Variants in NAXD observed in about 807,000 individuals in gnomAD.
NAXD encodes the protein ATP-dependent (S)-NAD(P)H-hydrate dehydratase.
NAXD carries 22 observed loss-of-function variants against 35.8 expected under a neutral mutation model. That is an observed-to-expected ratio of 0.62 (90% CI 0.44 to 0.88). NAXD has a LOEUF of 0.88. NAXD is among the 40% of genes least tolerant of loss of function. NAXD has a pLI of 0.00. For missense variants in NAXD, 428 were observed against 437.7 expected (o/e 0.98, Z 0.20); for synonymous variants, 189 against 177.6 (o/e 1.06, Z -0.51).
chr13:110,625,093 A>G (rs113806109), intron 3 of NAXD, 97 bp from the exon 4 acceptor site: 15 of 881,578 alleles, frequency 1.7e-5, no homozygotes, highest in African/African-American at 1.6e-4. Context: ...CATGCACGTC[A>G]CCAGGGCTGA....
In NAXD at chr13:110,638,956, G is replaced by A. The variant is rs1301981712; in HGVS notation, c.*428G>A. 1.1e-5 allele frequency: 4 copies of A among 357,108 alleles called. No individual in the cohort carries two copies. The highest frequency in any genetic ancestry group is 7.3e-5 in the East Asian group (1 of 13,646). The allele number at this position is 357,108 out of a possible 1,614,324, so 22.1% of individuals were successfully genotyped here. A position where few individuals can be genotyped will look rare whatever the true frequency, so the allele number is the denominator to read the frequency against. ...CTAGTCTTTCCTCCGGCAGGGAGCT[G>A]GGCAGGGGTCCCCGGGTGTCTCCCT... On this transcript the variant is annotated 3_prime_UTR_variant, in exon 10 of 10. Coordinates refer to ENST00000680254, the MANE Select transcript of NAXD (RefSeq NM_001242882.2). This position sits in a 1 kb window ranked among gnomAD's most constrained non-coding sequence, Gnocchi z 5.4.
At chr13:110,633,546 T>C (rs931625890) in intron 5 of NAXD, among the ~76,000 whole-genome samples, 100 of 152,332 alleles carry the variant, frequency 6.6e-4, no homozygotes, top group Non-Finnish European at 1.2e-3. Flanking sequence ...GAGGAGGTGC[T>C]GAGAGCAAGC....
chr13:110,627,779 G>A (rs1459787922), intron 5 of NAXD, among the ~76,000 whole-genome samples: 1 of 152,186 alleles, frequency 6.6e-6, no homozygotes, highest in African/African-American at 2.4e-5. Flanking sequence ...GCTGCAGGAG[G>A]TGTGTGTGTG....
intron 1 of NAXD, 144 bp from the exon 2 acceptor site, chr13:110,622,072 C>A: frequency 3.0e-6 from 2 of 670,728 alleles, no homozygotes; most frequent in South Asian, 2.5e-5. Flanking sequence ...TAATTTTGAA[C>A]ATCATATTTG....
chr13:110,627,187 G>A (rs1886515089), intron 4 of NAXD, among the ~76,000 whole-genome samples: 1 of 152,212 alleles, frequency 6.6e-6, no homozygotes, highest in Non-Finnish European at 1.5e-5. Context: ...TTAATGAATA[G>A]TATTAACCAA....
chr13:110,637,212 C>A lies in NAXD; in HGVS notation c.802C>A (p.His268Asn). Reference sequence around the variant, plus strand: ...GTCGGGCTCCCTGGGCGTCCTGGTACACTGGGCGCTCCTTGCTGGACCACA... The same window carrying A: ...GTCGGGCTCCCTGGGCGTCCTGGTAAACTGGGCGCTCCTTGCTGGACCACA... ...LLSGSLGVLV[H>N]WALLAGPQKT... Residue 268 changes from histidine to asparagine, a missense_variant, in exon 9 of 10, where the codon CAC (histidine) becomes AAC (asparagine). Physicochemically the swap from His to Asn is moderately conservative, Grantham distance 68 (BLOSUM62 1). Around this residue, in one of 3 missense-constraint regions of NAXD, gnomAD observed 209 missense variants for 214.6 expected, o/e 0.97. Transcript: ENST00000680254. 1 of 1,614,000 alleles carries A rather than the reference C, an allele frequency of 6.2e-7. No individual in the cohort carries two copies. The highest frequency in any genetic ancestry group is 8.5e-7 in the Non-Finnish European group (1 of 1,179,908).
chr13:110,622,791 C>T (rs1886318106), intron 2 of NAXD, among the ~76,000 whole-genome samples: 1 of 152,198 alleles, frequency 6.6e-6, no homozygotes, highest in African/African-American at 2.4e-5. Context: ...TGTTTTGCTG[C>T]TGTGTTTGGT....
chr13:110,637,400 G>C lies in NAXD; in HGVS notation c.839+151G>C, dbSNP rs113797046. 10 of 957,458 alleles carry C rather than the reference G, an allele frequency of 1.0e-5. No individual in the cohort carries two copies. The African/African-American group carries it at 1.2e-4, about 11-fold the overall frequency. 59.3% of individuals were successfully genotyped at this position (957,458 alleles called of 1,614,324 possible). A position where few individuals can be genotyped will look rare whatever the true frequency, so the allele number is the denominator to read the frequency against. ...GATCTCGGCACAGACGAACCCTCTT[G>C]GCAGAAGCTTCCACCCCACACTTGG... On this transcript the variant is annotated intron_variant, in intron 9 of 9. Coordinates refer to ENST00000680254, the MANE Select transcript of NAXD (RefSeq NM_001242882.2).
intron 1 of NAXD, among the ~76,000 whole-genome samples, chr13:110,621,045 T>C (rs1002954355): frequency 1.3e-5 from 2 of 152,208 alleles, no homozygotes; most frequent in Admixed American, 6.5e-5. Flanking sequence ...TGTAGCTGTT[T>C]AGAGACAACT....
At chr13:110,623,277 A>G (rs1334390097) in intron 2 of NAXD, among the ~76,000 whole-genome samples, 1 of 152,216 alleles carries the variant, frequency 6.6e-6, no homozygotes, top group Non-Finnish European at 1.5e-5. Flanking sequence ...GATGGGTATC[A>G]GCATTTGCCC....
chr13:110,637,290 G>C (rs1886963422), intron 9 of NAXD, 41 bp downstream of exon 9: 1 of 1,612,156 alleles, frequency 6.2e-7, no homozygotes, highest in Non-Finnish European at 8.5e-7. Flanking sequence ...GAAACCGTCT[G>C]ATTTTTCTAA....
At chr13:110,620,724 T>C (rs1273575186) in intron 1 of NAXD, among the ~76,000 whole-genome samples, 3 of 152,152 alleles carry the variant, frequency 2.0e-5, no homozygotes, top group Non-Finnish European at 4.4e-5. Context: ...GAGTAAAAAG[T>C]AAAACTGTAA....
At chr13:110,615,871 G>C (rs1235355650) in intron 1 of NAXD, 1 of 1,090,584 alleles carries the variant, frequency 9.2e-7, no homozygotes, top group East Asian at 3.3e-5. Context: ...GGCCTGCGGG[G>C]CGGAGTAGGG....
chr13:110,618,685 A>G (rs1324352901), intron 1 of NAXD, among the ~76,000 whole-genome samples: 1 of 152,162 alleles, frequency 6.6e-6, no homozygotes, highest in African/African-American at 2.4e-5. Context: ...ATATCTTATC[A>G]TTTTAACAAA....
In NAXD at chr13:110,637,210, T is replaced by C; in HGVS notation, c.800T>C (p.Val267Ala). The C allele has an allele frequency of 6.2e-7, 1 of 1,614,018 alleles. No individual in the cohort carries two copies. The highest frequency in any genetic ancestry group is 8.5e-7 in the Non-Finnish European group (1 of 1,179,926). ...CTGTCGGGCTCCCTGGGCGTCCTGGTACACTGGGCGCTCCTTGCTGGACCA... is the reference window on the plus strand; with the variant it reads ...CTGTCGGGCTCCCTGGGCGTCCTGGCACACTGGGCGCTCCTTGCTGGACCA... ...DLLSGSLGVL[V>A]HWALLAGPQK... is the part of the protein sequence containing the mutation. The change falls in exon 9 of 10, where the codon GTA becomes GCA. Residue 267 changes from valine (V) to alanine (A), a missense_variant. Transcript: ENST00000680254.
chr13:110,633,642 G>A (rs72661650), intron 5 of NAXD, among the ~76,000 whole-genome samples: 21,227 of 152,186 alleles, frequency 0.14, 1,750 homozygotes, highest in Admixed American at 0.26. Flanking sequence ...TCAGGTGTCT[G>A]TCAAGTCAGG....
chr13:110,631,498 G>T (rs1019579253), intron 5 of NAXD, among the ~76,000 whole-genome samples: 1 of 152,148 alleles, frequency 6.6e-6, no homozygotes, highest in Non-Finnish European at 1.5e-5. Flanking sequence ...ACCCTTCTGC[G>T]CTGGGTGCTC....
At chr13:110,625,557 G>C (rs1049559131) in intron 4 of NAXD, among the ~76,000 whole-genome samples, 2 of 152,214 alleles carry the variant, frequency 1.3e-5, no homozygotes, top group Non-Finnish European at 2.9e-5. Context: ...GTGTGTGACA[G>C]GTTTGCAGAA....
intron 8 of NAXD, among the ~76,000 whole-genome samples, chr13:110,636,392 A>G (rs1245635042): frequency 6.6e-6 from 1 of 152,228 alleles, no homozygotes; most frequent in African/African-American, 2.4e-5. Flanking sequence ...ACACATGCAC[A>G]GTTGTGCTCA....
Sources: allele counts gnomAD v4.1 joint callset (sites outside exome capture counted in the v4.1 genomes callset), GRCh38; gene constraint gnomAD v4.1.1; regional missense constraint gnomAD v4.1.1; non-coding constraint Gnocchi (gnomAD v3.1); transcripts MANE v1.5; gene names NCBI Gene and HGNC (gene_info 2026-07-23, HGNC 2026-07-21).